ERBB4: variants seen among roughly 807,000 people sequenced by gnomAD.
ERBB4 encodes erb-b2 receptor tyrosine kinase 4.
A neutral mutation model predicts 158.0 loss-of-function variants in ERBB4; 42 were observed. That is an observed-to-expected ratio of 0.27 (90% CI 0.21 to 0.34). The LOEUF (loss-of-function observed/expected upper bound fraction) is 0.34. Ranked by LOEUF, ERBB4 falls within the 10% of genes least tolerant of loss-of-function variation. The probability of loss-of-function intolerance (pLI) is 1.00; values close to 1 mark genes in which losing one functional copy is unlikely to be tolerated. For missense variants in ERBB4, 1,333 were observed against 1,624.1 expected (o/e 0.82, Z 3.08); for synonymous variants, 583 against 558.7 (o/e 1.04, Z -0.61).
intron 1 of ERBB4, among the ~76,000 whole-genome samples, chr2:212,289,649 A>G (rs1036285124): frequency 6.6e-6 from 1 of 152,198 alleles, no homozygotes; most frequent in African/African-American, 2.4e-5. Context: ...TGGGAATTCT[A>G]TATGAGTATC....
chr2:211,623,025 ATATATATATATATATATAT>A (rs2125855867), intron 18 of ERBB4, among the ~76,000 whole-genome samples: 1 of 102,670 alleles, frequency 9.7e-6, no homozygotes, highest in Non-Finnish European at 1.8e-5. Flanking sequence ...ATATATATAT[ATATATATATATATATATAT>A]AAAATGCCAA....
intron 3 of ERBB4, among the ~76,000 whole-genome samples, chr2:211,832,526 C>A (rs974981255): frequency 6.6e-6 from 1 of 151,462 alleles, no homozygotes; most frequent in African/African-American, 2.4e-5. Context: ...TTATCAAATA[C>A]TGAAATATGT....
intron 5 of ERBB4, among the ~76,000 whole-genome samples, chr2:211,735,303 C>T (rs2074569072): frequency 6.6e-6 from 1 of 151,878 alleles, no homozygotes; most frequent in Non-Finnish European, 1.5e-5. Context: ...AAGAAGTTAA[C>T]ATTTAAAAAC....
At chr2:211,525,921 C>G (rs2066335560) in intron 20 of ERBB4, among the ~76,000 whole-genome samples, 1 of 152,010 alleles carries the variant, frequency 6.6e-6, no homozygotes, top group Non-Finnish European at 1.5e-5. Context: ...GCCAACCAAA[C>G]CATAGAATAG....
chr2:211,828,558 G>A (rs1048797125), intron 3 of ERBB4, among the ~76,000 whole-genome samples: 2 of 144,346 alleles, frequency 1.4e-5, no homozygotes, highest in African/African-American at 5.2e-5. Flanking sequence ...CATCTAAGAT[G>A]ATTATTTTTA....
intron 1 of ERBB4, among the ~76,000 whole-genome samples, chr2:212,510,198 CCA>C (rs1267574386): frequency 6.5e-5 from 7 of 107,686 alleles, no homozygotes; most frequent in Non-Finnish European, 1.3e-4. Context: ...TCCATCCTAA[CCA>C]CACAGTATAT....
intron 1 of ERBB4, among the ~76,000 whole-genome samples, chr2:212,132,458 C>T (rs2125587153): frequency 6.6e-6 from 1 of 152,256 alleles, no homozygotes; most frequent in South Asian, 2.1e-4. Context: ...GAGCACATGG[C>T]TCTCCCCAGT....
chr2:212,345,279 C>CAAAAAAAAAAAAAAAAAAAAAAAAA (rs2088941967), intron 1 of ERBB4, among the ~76,000 whole-genome samples: 2 of 56,052 alleles, frequency 3.6e-5, no homozygotes, highest in Non-Finnish European at 4.3e-5. Flanking sequence ...AAAAAAAAAG[C>CAAAAAAAAAAAAAAAAAAAAAAAAA]ACTAAACACA....
chr2:211,877,122 G>A (rs936849991), intron 3 of ERBB4, among the ~76,000 whole-genome samples: 5 of 152,158 alleles, frequency 3.3e-5, no homozygotes, highest in Non-Finnish European at 7.4e-5. Flanking sequence ...GTAAGTGGAG[G>A]CAGTGTGTAC....
chr2:211,537,629 C>T (rs1363759000), intron 20 of ERBB4, among the ~76,000 whole-genome samples: 1 of 151,824 alleles, frequency 6.6e-6, no homozygotes, highest in African/African-American at 2.4e-5. Flanking sequence ...ACTGTATTTC[C>T]CTTAAGTACA....
rs1009159799 is a variant in ERBB4 at position 212,223,760 on chromosome 2, A to C, written c.83-98857T>G. Among the ~76,000 whole-genome samples, 5 of 151,714 alleles carry C rather than the reference A, an allele frequency of 3.3e-5. No individual in the cohort carries two copies. In the East Asian group the frequency reaches 9.6e-4, roughly 29 times the overall value. On this transcript the variant is annotated intron_variant, in intron 1 of 27. Coordinates refer to ENST00000342788, the MANE Select transcript of ERBB4 (RefSeq NM_005235.3). The stretch of plus-strand genomic sequence containing the variant: ...TTTTTAATTAATATTACATTGGTAA[A>C]TCACTGTCATCTGATATATAAGCTT...
chr2:211,667,868 TA>T (rs2071688503), intron 14 of ERBB4, among the ~76,000 whole-genome samples: 1 of 151,910 alleles, frequency 6.6e-6, no homozygotes, highest in African/African-American at 2.4e-5. Flanking sequence ...TGTAATAAGA[TA>T]AATAACTTTT....
At chr2:212,125,014 A>T in intron 1 of ERBB4, 111 bp from the exon 2 acceptor site, 1 of 1,307,810 alleles carries the variant, frequency 7.6e-7, no homozygotes, top group Non-Finnish European at 1.1e-6. Flanking sequence ...AGTTCTCTGA[A>T]TATAAATATT....
chr2:212,391,378 C>A (rs2090849279), intron 1 of ERBB4, among the ~76,000 whole-genome samples: 1 of 151,248 alleles, frequency 6.6e-6, no homozygotes, highest in African/African-American at 2.4e-5. Context: ...GTGCCTAGTA[C>A]AATGCTTCAT....
Position 211,383,303 on chromosome 2 carries a change from A to G in ERBB4, c.*312T>C, listed in dbSNP as rs945560040. 1.3e-5 allele frequency: 4 copies of G among 316,534 alleles called. No individual in the cohort carries two copies. The highest frequency in any genetic ancestry group is 8.5e-5 in the African/African-American group (4 of 46,974). The allele number at this position is 316,534 out of a possible 1,614,324, so 19.6% of individuals were successfully genotyped here. A position where few individuals can be genotyped will look rare whatever the true frequency, so the allele number is the denominator to read the frequency against. On this transcript the variant is annotated 3_prime_UTR_variant, in exon 28 of 28. Transcript: ENST00000342788. ...CAAAGAAAGAAAAAGAAAAAGAAAA[A>G]AAGTGACAGCTAGTTTGATAGTAGG...
intron 2 of ERBB4, among the ~76,000 whole-genome samples, chr2:212,097,170 G>T (rs1415836413): frequency 6.6e-6 from 1 of 152,078 alleles, no homozygotes; most frequent in African/African-American, 2.4e-5. Flanking sequence ...AGAGACTGGG[G>T]TTTTCATGTA....
chr2:212,091,997 G>T (rs1174522401), intron 2 of ERBB4, among the ~76,000 whole-genome samples: 1 of 151,866 alleles, frequency 6.6e-6, no homozygotes, highest in Non-Finnish European at 1.5e-5. Context: ...ATTATATGAA[G>T]ATCCCACACG....
At chr2:211,637,088 A>G (rs2070390676) in intron 16 of ERBB4, among the ~76,000 whole-genome samples, 1 of 151,992 alleles carries the variant, frequency 6.6e-6, no homozygotes, top group South Asian at 2.1e-4. Flanking sequence ...CATTTTAAAA[A>G]TATAATTAGG....
At chr2:212,100,641 A>T (rs779596808) in intron 2 of ERBB4, among the ~76,000 whole-genome samples, 1 of 152,190 alleles carries the variant, frequency 6.6e-6, no homozygotes, top group Non-Finnish European at 1.5e-5. Context: ...CATAATCCTG[A>T]ACCTCAGGGG....
Sources: gnomAD v4.1 joint callset for allele counts (sites outside exome capture counted in the v4.1 genomes callset) on GRCh38, gnomAD v4.1.1 for gene constraint, MANE v1.5 for transcripts, NCBI Gene and HGNC (gene_info 2026-07-23, HGNC 2026-07-21) for gene names.